CNTNAP2: variants seen among roughly 807,000 people sequenced by gnomAD.
CNTNAP2 encodes the protein contactin associated protein 2.
In CNTNAP2, 98 loss-of-function variants were observed where a neutral mutation model predicts 155.2. The ratio of observed to expected loss-of-function variants is 0.63; its 90% CI spans 0.54 to 0.75. The LOEUF (loss-of-function observed/expected upper bound fraction) is 0.75. CNTNAP2 is among the 30% of genes least tolerant of loss of function. The pLI, the probability that CNTNAP2 is intolerant of heterozygous loss-of-function variation, is 0.00. For missense variants in CNTNAP2, 1,727 were observed against 1,688.1 expected, an observed-to-expected ratio of 1.02 and a Z score of -0.40; for synonymous variants, 651 against 631.2, an observed-to-expected ratio of 1.03 and a Z score of -0.47.
At chr7:147,414,255 G>A (rs1490550805) in intron 10 of CNTNAP2, among the ~76,000 whole-genome samples, 1 of 151,702 alleles carries the variant, frequency 6.6e-6, no homozygotes, top group Non-Finnish European at 1.5e-5. Flanking sequence ...TGAAACCCGT[G>A]TCTGCTAAAA....
intron 13 of CNTNAP2, among the ~76,000 whole-genome samples, chr7:147,696,001 T>G (rs1470530002): frequency 6.6e-6 from 1 of 152,212 alleles, no homozygotes; most frequent in Non-Finnish European, 1.5e-5. Flanking sequence ...TACTTCCACT[T>G]TCTTTTGATT....
chr7:147,696,940 A>C (rs535965838), intron 13 of CNTNAP2, among the ~76,000 whole-genome samples: 7 of 152,164 alleles, frequency 4.6e-5, no homozygotes, highest in Admixed American at 1.3e-4. Flanking sequence ...TATCTGATTT[A>C]ATGAGGTTTG....
At chr7:146,755,414 A>G (rs1174137134) in intron 1 of CNTNAP2, among the ~76,000 whole-genome samples, 1 of 152,052 alleles carries the variant, frequency 6.6e-6, no homozygotes, top group Non-Finnish European at 1.5e-5. Context: ...TGTTATTGGT[A>G]TACAGTGGCA....
chr7:146,991,345 C>T (rs576164148), intron 3 of CNTNAP2, among the ~76,000 whole-genome samples: 163 of 152,008 alleles, frequency 1.1e-3, no homozygotes, highest in African/African-American at 3.7e-3. Flanking sequence ...GGAAGGACAC[C>T]TGATATGCAC....
chr7:147,623,514 C>G (rs1160414309), intron 12 of CNTNAP2, among the ~76,000 whole-genome samples: 1 of 151,858 alleles, frequency 6.6e-6, no homozygotes, highest in Non-Finnish European at 1.5e-5. Context: ...ACAATAGCCA[C>G]AGATAAAATT....
At chr7:147,158,836 A>T (rs1287844348) in intron 8 of CNTNAP2, among the ~76,000 whole-genome samples, 1 of 152,118 alleles carries the variant, frequency 6.6e-6, no homozygotes, top group Admixed American at 6.6e-5. Flanking sequence ...GAGGAATAAA[A>T]CAGGCTCCCT....
intron 1 of CNTNAP2, among the ~76,000 whole-genome samples, chr7:146,358,251 G>A (rs1263645402): frequency 2.0e-5 from 3 of 151,992 alleles, no homozygotes; most frequent in African/African-American, 7.2e-5. Context: ...AGCCAGGATG[G>A]TCTCGATCTC....
At chr7:147,341,069 T>C (rs1795752564) in intron 9 of CNTNAP2, among the ~76,000 whole-genome samples, 1 of 77,428 alleles carries the variant, frequency 1.3e-5, no homozygotes, top group Non-Finnish European at 2.2e-5. Flanking sequence ...GCATTGTGTG[T>C]TTGTGTGTGT....
At position 147,658,167 on chromosome 7, in the gene CNTNAP2, G is replaced by A. The variant is rs568845311; in HGVS notation, c.2098+18861G>A. Among the ~76,000 whole-genome samples the A allele has an allele frequency of 6.3e-5, 8 of 127,522 alleles. 2 individuals are homozygous for A. The South Asian group carries it at 2.1e-3, about 33-fold the overall frequency. The allele number at this position is 127,522 out of a possible 152,430, so 83.7% of individuals were successfully genotyped here. Reference sequence around the variant, plus strand: ...AGCTACTTGGGAGGCTGAGGCAGGAGAATGGCGTGAACCCGGGAGGCGGAG... The same window carrying A: ...AGCTACTTGGGAGGCTGAGGCAGGAAAATGGCGTGAACCCGGGAGGCGGAG... On this transcript the variant is annotated intron_variant, in intron 13 of 23. Transcript: ENST00000361727.
intron 1 of CNTNAP2, among the ~76,000 whole-genome samples, chr7:146,129,412 C>T (rs1797683379): frequency 6.6e-6 from 1 of 152,096 alleles, no homozygotes; most frequent in Non-Finnish European, 1.5e-5. Flanking sequence ...TTTGTTTCCA[C>T]ATATGGATTT....
intron 1 of CNTNAP2, among the ~76,000 whole-genome samples, chr7:146,260,133 T>A (rs542992566): frequency 6.6e-6 from 1 of 152,292 alleles, no homozygotes; most frequent in African/African-American, 2.4e-5. Context: ...CTTCCACATG[T>A]GTTGGGCCTG....
intron 17 of CNTNAP2, among the ~76,000 whole-genome samples, chr7:148,169,884 C>T (rs1481264310): frequency 5.9e-5 from 9 of 151,880 alleles, no homozygotes; most frequent in Non-Finnish European, 1.2e-4. Context: ...TGCTTGAACC[C>T]GGGAGGCGGA....
chr7:146,259,780 G>A (rs961914795), intron 1 of CNTNAP2, among the ~76,000 whole-genome samples: 8 of 152,300 alleles, frequency 5.3e-5, no homozygotes, highest in Admixed American at 1.3e-4. Flanking sequence ...AATTTGCAGC[G>A]TGACCATGTA....
At chr7:146,689,130 A>T (rs942023327) in intron 1 of CNTNAP2, among the ~76,000 whole-genome samples, 43 of 152,160 alleles carry the variant, frequency 2.8e-4, no homozygotes, top group African/African-American at 1.0e-3. Context: ...TTTACTAAAA[A>T]TTGTTTCCTT....
At chr7:146,338,662 C>A (rs773676080) in intron 1 of CNTNAP2, among the ~76,000 whole-genome samples, 2 of 152,072 alleles carry the variant, frequency 1.3e-5, no homozygotes, top group South Asian at 2.1e-4. Flanking sequence ...ACCTACGAAG[C>A]CTTCTTATTC....
chr7:147,329,023 C>T (rs1795509121), intron 9 of CNTNAP2, among the ~76,000 whole-genome samples: 1 of 152,112 alleles, frequency 6.6e-6, no homozygotes, highest in African/African-American at 2.4e-5. Flanking sequence ...AAAGCGAAGG[C>T]ACCTCTCCTC....
intron 19 of CNTNAP2, among the ~76,000 whole-genome samples, chr7:148,228,466 G>C (rs1795898472): frequency 6.6e-6 from 1 of 152,134 alleles, no homozygotes; most frequent in Admixed American, 6.5e-5. Flanking sequence ...CATTTGATTA[G>C]TCTGTAAGCT....
At chr7:146,515,904 G>A (rs1328544409) in intron 1 of CNTNAP2, among the ~76,000 whole-genome samples, 1 of 151,926 alleles carries the variant, frequency 6.6e-6, no homozygotes, top group Non-Finnish European at 1.5e-5. Flanking sequence ...AATCATTATA[G>A]ATTCCTATCT....
intron 1 of CNTNAP2, among the ~76,000 whole-genome samples, chr7:146,532,684 AC>A (rs754164493): frequency 1.3e-5 from 2 of 152,182 alleles, no homozygotes; most frequent in East Asian, 1.9e-4. Context: ...CCTCTTACTA[AC>A]CGAAACTAAA....
Sources: gnomAD v4.1 joint callset for allele counts (sites outside exome capture counted in the v4.1 genomes callset) on GRCh38, gnomAD v4.1.1 for gene constraint, MANE v1.5 for transcripts, NCBI Gene and HGNC (gene_info 2026-07-23, HGNC 2026-07-21) for gene names.